UBE2D2: variants seen among roughly 807,000 people sequenced by gnomAD.
The protein encoded by UBE2D2 is ubiquitin-conjugating enzyme E2 D2.
In UBE2D2, 2 loss-of-function variants were observed where a neutral mutation model predicts 24.2. That is an observed-to-expected ratio of 0.08 (90% CI 0.03 to 0.26). UBE2D2 has a LOEUF of 0.26. Among genes scored for constraint, UBE2D2 ranks in the 10% least tolerant of loss-of-function variants. UBE2D2 has a pLI of 1.00. For synonymous variants in UBE2D2, 58 were observed against 56.5 expected (o/e 1.03, Z -0.12); for missense variants, 44 against 177.6 (o/e 0.25, Z 4.28).
upstream of UBE2D2, among the ~76,000 whole-genome samples, chr5:139,557,250 C>G (rs1215089839): frequency 6.6e-6 from 1 of 151,998 alleles, no homozygotes; most frequent in African/African-American, 2.4e-5. Flanking sequence ...TCTCCTGCCT[C>G]AGCCTCCCAA....
intron 5 of UBE2D2, among the ~76,000 whole-genome samples, chr5:139,620,259 A>G (rs1561522017): frequency 6.6e-6 from 1 of 152,258 alleles, no homozygotes; most frequent in Admixed American, 6.5e-5. Flanking sequence ...CATGAAATCA[A>G]GAAGCTAAGT....
intron 6 of UBE2D2, among the ~76,000 whole-genome samples, chr5:139,624,212 G>A (rs1409336867): frequency 6.6e-6 from 1 of 152,190 alleles, no homozygotes; most frequent in African/African-American, 2.4e-5. Flanking sequence ...AACAAAACTT[G>A]ATGTAGAATT....
At chr5:139,594,544 G>A (rs1753919396) in intron 1 of UBE2D2, among the ~76,000 whole-genome samples, 1 of 152,006 alleles carries the variant, frequency 6.6e-6, no homozygotes, top group African/African-American at 2.4e-5. Flanking sequence ...CTCCTGGGTA[G>A]CTGGAATTAG....
intron 1 of UBE2D2, among the ~76,000 whole-genome samples, chr5:139,595,155 A>G (rs1373359297): frequency 6.6e-6 from 1 of 152,194 alleles, no homozygotes; most frequent in East Asian, 1.9e-4. Context: ...CATAAAATAG[A>G]AAGTTGAAAT....
At chr5:139,536,954 C>T (rs1316554618) in intron 1 of UBE2D2, among the ~76,000 whole-genome samples, 10 of 152,012 alleles carry the variant, frequency 6.6e-5, no homozygotes, top group African/African-American at 1.7e-4. Flanking sequence ...CCAAGGCGGG[C>T]GGAACACGAG....
chr5:139,623,518 A>C, intron 6 of UBE2D2, 57 bp downstream of exon 6: 3 of 1,446,188 alleles, frequency 2.1e-6, no homozygotes, highest in Non-Finnish European at 2.9e-6. Context: ...TGTTTGTCAC[A>C]AATCTTTCTT....
chr5:139,547,493 C>A (rs1752849042), intron 1 of UBE2D2, among the ~76,000 whole-genome samples: 1 of 151,544 alleles, frequency 6.6e-6, no homozygotes, highest in South Asian at 2.1e-4. Flanking sequence ...GGATTACATG[C>A]GTGGGCCACC....
chr5:139,584,533 C>CTTTTTTTTTTTT (rs10642044), intron 1 of UBE2D2, among the ~76,000 whole-genome samples: 4 of 133,066 alleles, frequency 3.0e-5, no homozygotes, highest in South Asian at 2.4e-4. Flanking sequence ...CTTTTCTTTT[C>CTTTTTTTTTTTT]TTTTTTTTTT....
At chr5:139,608,910 C>G (rs1179793710) in intron 2 of UBE2D2, among the ~76,000 whole-genome samples, 1 of 151,990 alleles carries the variant, frequency 6.6e-6, no homozygotes, top group African/African-American at 2.4e-5. Context: ...CATGGTGAAA[C>G]CCAGTCTCCA....
rs553318871 is a variant in UBE2D2, at chr5:139,531,620, C to T, written c.-64+5008C>T. 1.7e-4 allele frequency among the ~76,000 whole-genome samples: 20 copies of T among 118,552 alleles called. No homozygotes were observed. In the East Asian group the frequency reaches 1.8e-3, roughly 11 times the overall value. The allele number at this position is 118,552 out of a possible 152,430, so 77.8% of individuals were successfully genotyped here. ...CCAGCTTGGGTGACAGAGTGAGACC[C>T]TATCCAAAAAAAAAAAAAGAAAGAA... On this transcript the variant is annotated intron_variant, in intron 1 of 6. Transcript: ENST00000511725.
chr5:139,623,254 C>A, intron 5 of UBE2D2, 114 bp from the exon 6 acceptor site: 1 of 504,724 alleles, frequency 2.0e-6, no homozygotes, highest in Non-Finnish European at 3.5e-6. Flanking sequence ...ACTTACAAAG[C>A]TGCTAGGCAT....
In UBE2D2 at chr5:139,584,533, C is replaced by CTTTTTTT. The variant is rs10642044; in HGVS notation, c.25-15830_25-15824dup. On this transcript the variant is annotated intron_variant, in intron 1 of 6. Coordinates refer to ENST00000398733, the MANE Select transcript of UBE2D2 (RefSeq NM_003339.3). ...ACCTTTTTCTTTTTTCTTTTCTTTT[C>CTTTTTTT]TTTTTTTTTTTTTTTGAGACAAGAG... 3.7e-4 allele frequency among the ~76,000 whole-genome samples: 49 copies of CTTTTTTT among 133,034 alleles called. 1 individual carries two copies. The highest frequency in any genetic ancestry group is 7.2e-4 in the African/African-American group (25 of 34,498). The allele number at this position is 133,034 out of a possible 152,430, so 87.3% of individuals were successfully genotyped here.
In UBE2D2 at chr5:139,614,455, C is replaced by T. The variant is rs149541214; in HGVS notation, c.89-131C>T. The T allele has an allele frequency of 9.1e-5, 95 of 1,042,722 alleles. No individual in the cohort carries two copies. In the East Asian group the frequency reaches 2.3e-3, roughly 25 times the overall value. 64.6% of individuals were successfully genotyped at this position (1,042,722 alleles called of 1,614,324 possible). A position where few individuals can be genotyped will look rare whatever the true frequency, so the allele number is the denominator to read the frequency against. On this transcript the variant is annotated intron_variant, in intron 2 of 6. Coordinates refer to ENST00000398733, the MANE Select transcript of UBE2D2 (RefSeq NM_003339.3). ...TTCTTTAGACTGTTAATTTATGTTC[C>T]TCATCTTGCTCATACTCATTATCAT...
chr5:139,590,782 C>CTTTTTTTTTTTTTTTTTTTTTTT lies in UBE2D2; in HGVS notation c.25-9582_25-9560dup, dbSNP rs57962602. Among the ~76,000 whole-genome samples, 4 of 38,422 alleles carry CTTTTTTTTTTTTTTTTTTTTTTT rather than the reference C, an allele frequency of 1.0e-4. 1 individual carries two copies. Among genetic ancestry groups the CTTTTTTTTTTTTTTTTTTTTTTT allele is most frequent in the Non-Finnish European group, 2.1e-4 (4 of 19,474 alleles). 25.2% of individuals were successfully genotyped at this position (38,422 alleles called of 152,430 possible). ...TTCATGGTGGGTATTTTCTCTTCTTCTTTTTTTTTTTTTTTTTTTTTTTTT... is the reference window on the plus strand; with the variant it reads ...TTCATGGTGGGTATTTTCTCTTCTTCTTTTTTTTTTTTTTTTTTTTTTTTTTTTTTTTTTTTTTTTTTTTTTTT... On this transcript the variant is annotated intron_variant, in intron 1 of 6. Transcript: ENST00000398733.
chr5:139,570,292 A>AC (rs1307517385), intron 1 of UBE2D2, among the ~76,000 whole-genome samples: 6 of 151,954 alleles, frequency 3.9e-5, no homozygotes, highest in African/African-American at 1.2e-4. Flanking sequence ...AACAACAACA[A>AC]AACAACTATT....
chr5:139,573,507 A>G (rs940892348), intron 1 of UBE2D2, among the ~76,000 whole-genome samples: 1 of 152,178 alleles, frequency 6.6e-6, no homozygotes, highest in Non-Finnish European at 1.5e-5. Flanking sequence ...CAAAAGAAAG[A>G]ATACAGACTG....
upstream of UBE2D2, among the ~76,000 whole-genome samples, chr5:139,558,787 G>T (rs1753014224): frequency 2.0e-5 from 3 of 152,182 alleles, no homozygotes; most frequent in South Asian, 6.2e-4. Flanking sequence ...TTATAGGTAT[G>T]TCTTACAACA....
chr5:139,549,430 G>T (rs952733535), intron 1 of UBE2D2, among the ~76,000 whole-genome samples: 1 of 152,196 alleles, frequency 6.6e-6, no homozygotes, highest in Non-Finnish European at 1.5e-5. Flanking sequence ...TGGCGGCCCC[G>T]CACTCCGAGC....
intron 2 of UBE2D2, among the ~76,000 whole-genome samples, chr5:139,602,808 G>A (rs1474794302): frequency 1.3e-5 from 2 of 152,150 alleles, no homozygotes; most frequent in Non-Finnish European, 2.9e-5. Context: ...TATAAATTAT[G>A]AGTCTAAGTA....
Sources: gnomAD v4.1 joint callset for allele counts (sites outside exome capture counted in the v4.1 genomes callset) on GRCh38, gnomAD v4.1.1 for gene constraint, MANE v1.5 for transcripts, NCBI Gene and HGNC (gene_info 2026-07-23, HGNC 2026-07-21) for gene names.